The following NCKAP5 variants were observed in gnomAD, a reference collection of about 807,000 sequenced individuals.
NCKAP5 encodes the protein nck-associated protein 5.
Under a neutral mutation model 167.0 loss-of-function variants are expected in NCKAP5, and 92 were observed. The ratio of observed to expected loss-of-function variants is 0.55; its 90% confidence interval spans 0.47 to 0.66. NCKAP5 has a LOEUF of 0.66. Ranked by LOEUF, NCKAP5 falls within the 30% of genes least tolerant of loss-of-function variation. The pLI is 0.00. For missense variants in NCKAP5, 2,378 were observed against 2,315.0 expected (o/e 1.03, Z -0.56); for synonymous variants, 891 against 877.4 (o/e 1.02, Z -0.27).
At chr2:133,400,096 C>T (rs1688002116) in intron 3 of NCKAP5, among the ~76,000 whole-genome samples, 1 of 152,064 alleles carries the variant, frequency 6.6e-6, no homozygotes, top group Non-Finnish European at 1.5e-5. Flanking sequence ...TCCAAATACC[C>T]CCACTCCCAC....
chr2:133,616,075 C>T, the NCKAP5 span, among the ~76,000 whole-genome samples: 7 of 151,546 alleles, frequency 4.6e-5, no homozygotes, highest in South Asian at 1.5e-3. Context: ...GAAATGAAGG[C>T]AGAAATAAAG....
the NCKAP5 span, among the ~76,000 whole-genome samples, chr2:133,583,863 C>G: frequency 6.6e-6 from 1 of 152,168 alleles, no homozygotes. Flanking sequence ...ACGCCATTCT[C>G]CTGCCTCAGC....
chr2:133,021,401 C>T (rs1179198476), intron 6 of NCKAP5, among the ~76,000 whole-genome samples: 3 of 152,130 alleles, frequency 2.0e-5, no homozygotes, highest in African/African-American at 7.2e-5. Context: ...AGATATTCTT[C>T]CACTTCAAAT....
the NCKAP5 span, among the ~76,000 whole-genome samples, chr2:133,595,469 CT>C: frequency 1.3e-5 from 2 of 151,410 alleles, no homozygotes; most frequent in Non-Finnish European, 2.9e-5. Flanking sequence ...CCTCCTCTTC[CT>C]TTTTCCTTTT....
At chr2:133,073,014 TAAC>T (rs1247751948) in intron 6 of NCKAP5, among the ~76,000 whole-genome samples, 1 of 152,076 alleles carries the variant, frequency 6.6e-6, no homozygotes, top group African/African-American at 2.4e-5. Flanking sequence ...CTAAAAATAA[TAAC>T]AATAGGTAAC....
At chr2:133,538,525 T>G (rs570411444) in intron 2 of NCKAP5, among the ~76,000 whole-genome samples, 1 of 151,778 alleles carries the variant, frequency 6.6e-6, no homozygotes, top group Non-Finnish European at 1.5e-5. Context: ...CTGGCATATA[T>G]GAACAAATAA....
Position 132,963,793 on chromosome 2 carries a change from C to T in NCKAP5, c.506G>A (p.Arg169Lys), listed in dbSNP as rs773105111. 3.0e-5 allele frequency: 49 copies of T among 1,613,742 alleles called. No homozygotes were observed. The South Asian group carries it at 5.4e-4, about 18-fold the overall frequency. ...DLHMVVDEDS[R>K]SESSSTDEGK... The stretch of plus-strand genomic sequence containing the variant: ...CTCATCTGTACTGCTGCTTTCACTC[C>T]TCGAATCCTCATCAACCACCATGTG... Residue 169 changes from arginine (R) to lysine (K), a missense_variant, in exon 8 of 20, where the codon AGG (arginine) becomes AAG (lysine). Physicochemically the swap from Arg to Lys is conservative, Grantham distance 26 (BLOSUM62 2). This residue lies in a region of NCKAP5 where 1,049 missense variants were observed against 1,023.4 expected (regional missense o/e 1.02). Coordinates refer to ENST00000409261, the MANE Select transcript of NCKAP5 (RefSeq NM_207363.3).
Position 132,790,060 on chromosome 2 carries a change from G to C in NCKAP5, c.1055C>G (p.Ser352Cys). 1 of 1,613,244 alleles carries C rather than the reference G, an allele frequency of 6.2e-7. No individual in the cohort carries two copies. The highest frequency in any genetic ancestry group is 8.5e-7 in the Non-Finnish European group (1 of 1,179,528). ...STCSEYSSGS[S>C]YTWHDGKNLR... ...GTTCTTCCCATCGTGCCACGTGTAG[G>C]AGGAGCCACTGGAGTACTCGCTGCA... Residue 352 changes from serine to cysteine, a missense_variant, in exon 13 of 20, where the codon TCC becomes TGC. Coordinates refer to ENST00000409261, the MANE Select transcript of NCKAP5 (RefSeq NM_207363.3).
chr2:133,342,616 G>T (rs911262471), intron 3 of NCKAP5, among the ~76,000 whole-genome samples: 1 of 152,058 alleles, frequency 6.6e-6, no homozygotes, highest in African/African-American at 2.4e-5. Context: ...TAGCATCTTT[G>T]TGCCTACCAA....
At chr2:132,713,803 AG>A (rs1362113260) in intron 19 of NCKAP5, among the ~76,000 whole-genome samples, 1 of 152,214 alleles carries the variant, frequency 6.6e-6, no homozygotes, top group Non-Finnish European at 1.5e-5. Context: ...GTTCATAAAT[AG>A]AGAAGCAAGC....
At chr2:133,238,945 A>G (rs2087550808) in intron 4 of NCKAP5, among the ~76,000 whole-genome samples, 1 of 152,172 alleles carries the variant, frequency 6.6e-6, no homozygotes, top group African/African-American at 2.4e-5. Context: ...ACCTGGTAAT[A>G]TATCTTCTAT....
chr2:133,532,091 T>C (rs998897967), intron 2 of NCKAP5, among the ~76,000 whole-genome samples: 2 of 152,260 alleles, frequency 1.3e-5, no homozygotes, highest in African/African-American at 2.4e-5. Flanking sequence ...GTACATATGA[T>C]AGTCTACTTT....
rs200828219 is a variant in NCKAP5, at chr2:132,782,249, C to T, written c.4562G>A (p.Ser1521Asn). 4 of 1,614,000 alleles carry T rather than the reference C, an allele frequency of 2.5e-6. No homozygotes were observed. Among genetic ancestry groups the T allele is most frequent in the African/African-American group, 2.7e-5 (2 of 75,044 alleles). The change falls in exon 14 of 20, where the codon AGT becomes AAT. Residue 1521 changes from serine (S) to asparagine (N), a missense_variant. Physicochemically the swap from Ser to Asn is conservative, Grantham distance 46. Around this residue, in one of 3 missense-constraint regions of NCKAP5, gnomAD observed 1,325 missense variants for 1,274.5 expected, o/e 1.04. Coordinates refer to ENST00000409261, the MANE Select transcript of NCKAP5 (RefSeq NM_207363.3). ...GFRKSRLPAL[S>N]SRKMDISKTK... The stretch of plus-strand genomic sequence containing the variant: ...TTTGGAGATGTCCATTTTCCTGCTA[C>T]TCAGAGCTGGAAGTCTACTCTTCCG...
At chr2:133,642,808 A>T in the NCKAP5 span, among the ~76,000 whole-genome samples, 2 of 152,258 alleles carry the variant, frequency 1.3e-5, no homozygotes, top group African/African-American at 2.4e-5. Flanking sequence ...TCAATCATTT[A>T]TAGCAGTAAA....
intron 2 of NCKAP5, among the ~76,000 whole-genome samples, chr2:133,547,284 G>C (rs12466560): frequency 6.6e-6 from 1 of 152,028 alleles, no homozygotes; most frequent in Non-Finnish European, 1.5e-5. Context: ...ACTGCAAGGC[G>C]GCAGAGAGGC....
chr2:133,660,734 G>C, the NCKAP5 span, among the ~76,000 whole-genome samples: 4 of 152,056 alleles, frequency 2.6e-5, no homozygotes, highest in African/African-American at 9.7e-5. Context: ...CCTTTGCTGT[G>C]AGCCTCCCTG....
intron 7 of NCKAP5, among the ~76,000 whole-genome samples, chr2:132,982,866 G>T (rs1184435513): frequency 1.3e-5 from 2 of 152,122 alleles, no homozygotes; most frequent in Non-Finnish European, 2.9e-5. Context: ...TTATGGCTGG[G>T]TAGTATTCTG....
chr2:133,065,145 C>T (rs1318215616), intron 6 of NCKAP5, among the ~76,000 whole-genome samples: 3 of 151,858 alleles, frequency 2.0e-5, no homozygotes, highest in Non-Finnish European at 4.4e-5. Context: ...AAAAAGGAAA[C>T]ATCTCATAAG....
chr2:133,327,635 G>C (rs1404185306), intron 3 of NCKAP5, among the ~76,000 whole-genome samples: 1 of 152,098 alleles, frequency 6.6e-6, no homozygotes, highest in South Asian at 2.1e-4. Context: ...TAGGATGTAG[G>C]AAAACAGTAT....
Sources: gnomAD v4.1 joint callset for allele counts (sites outside exome capture counted in the v4.1 genomes callset) on GRCh38, gnomAD v4.1.1 for gene constraint, gnomAD v4.1.1 regional missense constraint, MANE v1.5 for transcripts, NCBI Gene and HGNC (gene_info 2026-07-23, HGNC 2026-07-21) for gene names.